The following ARID5B variants were observed in gnomAD, a reference collection of about 807,000 sequenced individuals.
ARID5B encodes the protein AT-rich interactive domain-containing protein 5B.
In ARID5B, 13 loss-of-function variants were observed where a neutral mutation model predicts 97.2. The ratio of observed to expected loss-of-function variants is 0.13; its 90% CI spans 0.09 to 0.21. The LOEUF is 0.21. ARID5B is among the 10% of genes least tolerant of loss of function. The probability of loss-of-function intolerance (pLI) is 1.00; values close to 1 mark genes in which losing one functional copy is unlikely to be tolerated. For synonymous variants in ARID5B, 556 were observed against 570.3 expected (o/e 0.97, Z 0.36); for missense variants, 1,210 against 1,465.3 (o/e 0.83, Z 2.84).
intron 3 of ARID5B, among the ~76,000 whole-genome samples, chr10:61,995,236 T>C (rs1838980297): frequency 6.6e-6 from 1 of 152,218 alleles, no homozygotes; most frequent in Non-Finnish European, 1.5e-5. Context: ...ATTTATTCAT[T>C]CTTAGATTTA....
At chr10:61,940,533 G>C (rs1278624119) in intron 3 of ARID5B, 125 bp downstream of exon 3, 3 of 843,202 alleles carry the variant, frequency 3.6e-6, no homozygotes, top group African/African-American at 1.7e-5. Context: ...AACCTCAAAG[G>C]GTCCTAAGAA....
In ARID5B at chr10:62,064,859, C is replaced by T. The variant is rs760604518; in HGVS notation, c.1102-4841C>T. On this transcript the variant is annotated intron_variant, in intron 7 of 9. Transcript: ENST00000279873. ...CATGATCTTGGCTCACTGCATCCTC[C>T]GCCTCCCATATTCCAGTGATTCTTC... 4.6e-5 allele frequency among the ~76,000 whole-genome samples: 7 copies of T among 152,228 alleles called. No individual in the cohort carries two copies. The East Asian group carries it at 5.8e-4, about 13-fold the overall frequency.
chr10:61,971,228 T>G (rs1194171096), intron 3 of ARID5B, among the ~76,000 whole-genome samples: 1 of 152,214 alleles, frequency 6.6e-6, no homozygotes, highest in Non-Finnish European at 1.5e-5. Context: ...TTATTATATC[T>G]TGACATTCTG....
chr10:62,064,226 G>A (rs1240530035), intron 7 of ARID5B, among the ~76,000 whole-genome samples: 4 of 152,122 alleles, frequency 2.6e-5, no homozygotes, highest in South Asian at 4.1e-4. Flanking sequence ...AAAGCCTCTC[G>A]CTTAAATTCA....
intron 2 of ARID5B, among the ~76,000 whole-genome samples, chr10:61,937,373 C>A (rs1249640792): frequency 2.6e-5 from 4 of 152,124 alleles, no homozygotes; most frequent in Admixed American, 6.5e-5. Flanking sequence ...TTTGTGACTT[C>A]TTGACTGGAT....
chr10:61,915,610 T>C (rs527465596), intron 2 of ARID5B, among the ~76,000 whole-genome samples: 1 of 152,156 alleles, frequency 6.6e-6, no homozygotes, highest in East Asian at 1.9e-4. Flanking sequence ...CCAGTTGGTC[T>C]AGGTATCATC....
intron 8 of ARID5B, among the ~76,000 whole-genome samples, chr10:62,071,265 A>G (rs549382815): frequency 1.3e-5 from 2 of 151,942 alleles, no homozygotes; most frequent in East Asian, 3.9e-4. Context: ...CGATCTCTTG[A>G]CCTCATGATC....
intron 2 of ARID5B, among the ~76,000 whole-genome samples, chr10:61,904,992 G>A (rs1403678056): frequency 1.3e-5 from 2 of 152,208 alleles, no homozygotes; most frequent in African/African-American, 4.8e-5. Context: ...TTTACTGCTG[G>A]CACCTAGAGG....
chr10:62,059,214 T>C (rs187196156), intron 6 of ARID5B, 29 bp from the exon 7 acceptor site: 278 of 1,568,108 alleles, frequency 1.8e-4, no homozygotes, highest in Admixed American at 6.2e-4. Context: ...ATGCAATGCT[T>C]ATCTAAATAC....
intron 4 of ARID5B, among the ~76,000 whole-genome samples, chr10:62,035,452 G>GCCAGGTT (rs756824199): frequency 2.6e-4 from 39 of 152,184 alleles, no homozygotes; most frequent in Non-Finnish European, 4.3e-4. Flanking sequence ...GGTGCCAGGT[G>GCCAGGTT]CCAGGATCAA....
chr10:61,996,403 A>G (rs919708824), intron 3 of ARID5B, among the ~76,000 whole-genome samples: 1 of 152,180 alleles, frequency 6.6e-6, no homozygotes, highest in African/African-American at 2.4e-5. Flanking sequence ...TGAAAAGTCC[A>G]CCAAACTGGG....
At chr10:62,079,373 A>C (rs1160229138) in intron 8 of ARID5B, among the ~76,000 whole-genome samples, 1 of 152,206 alleles carries the variant, frequency 6.6e-6, no homozygotes, top group African/African-American at 2.4e-5. Context: ...AATGAGATAA[A>C]ATAATATATC....
chr10:61,940,204 G>A lies in ARID5B; in HGVS notation c.298G>A (p.Glu100Lys), dbSNP rs1423129750. Residue 100 changes from glutamate (E) to lysine (K), a missense_variant, in exon 3 of 10, where the codon GAA (glutamate) becomes AAA (lysine). By Grantham distance (56) the Glu-to-Lys change is moderately conservative. Coordinates refer to ENST00000279873, the MANE Select transcript of ARID5B (RefSeq NM_032199.3). Reference protein sequence around the residue: ...HGEDEVIAVSEKVIVKLEDLV... With the variant: ...HGEDEVIAVSKKVIVKLEDLV... ...GTAGGATGAAGTCATTGCTGTTTCC[G>A]AAAAGGTGATTGTGAAGCTTGAAGA... The A allele has an allele frequency of 1.9e-6, 3 of 1,613,986 alleles. No homozygotes were observed. The highest frequency in any genetic ancestry group is 1.3e-5 in the African/African-American group (1 of 74,914).
intron 8 of ARID5B, among the ~76,000 whole-genome samples, chr10:62,073,160 G>A (rs540758513): frequency 1.3e-5 from 2 of 152,252 alleles, no homozygotes; most frequent in South Asian, 2.1e-4. Context: ...ACTAGGCTGC[G>A]GGTTCTTCTG....
intron 3 of ARID5B, among the ~76,000 whole-genome samples, chr10:61,953,480 G>C (rs1012119011): frequency 6.6e-6 from 1 of 151,868 alleles, no homozygotes; most frequent in African/African-American, 2.4e-5. Flanking sequence ...TGCTCATTTA[G>C]TTCCCATTGA....
chr10:61,931,545 A>C (rs556794431), intron 2 of ARID5B, among the ~76,000 whole-genome samples: 26 of 152,344 alleles, frequency 1.7e-4, no homozygotes, highest in African/African-American at 6.3e-4. Context: ...TGTGAAAGAC[A>C]CTATTACGAG....
chr10:61,981,640 T>C (rs764614954), intron 3 of ARID5B, among the ~76,000 whole-genome samples: 2 of 152,130 alleles, frequency 1.3e-5, no homozygotes, highest in Non-Finnish European at 2.9e-5. Flanking sequence ...ATGACTGTGG[T>C]GTTAATAAAC....
intron 4 of ARID5B, among the ~76,000 whole-genome samples, chr10:62,044,442 A>C (rs1180139268): frequency 6.8e-6 from 1 of 146,964 alleles, no homozygotes; most frequent in Non-Finnish European, 1.5e-5. Flanking sequence ...GAGCAGTGGC[A>C]CAGTCTAGGC....
At chr10:61,994,478 G>A (rs1838970405) in intron 3 of ARID5B, among the ~76,000 whole-genome samples, 2 of 152,252 alleles carry the variant, frequency 1.3e-5, no homozygotes, top group South Asian at 2.1e-4. Flanking sequence ...TCAAAAAATA[G>A]CATTATGGAT....
Sources: gnomAD v4.1 joint callset for allele counts (sites outside exome capture counted in the v4.1 genomes callset) on GRCh38, gnomAD v4.1.1 for gene constraint, MANE v1.5 for transcripts, NCBI Gene and HGNC (gene_info 2026-07-23, HGNC 2026-07-21) for gene names.